Variants in GNAL observed in about 807,000 individuals in gnomAD.
The protein encoded by GNAL is guanine nucleotide-binding protein G(olf) subunit alpha.
Under a neutral mutation model 55.1 loss-of-function variants are expected in GNAL, and 18 were observed. That is an observed-to-expected ratio of 0.33 (90% CI 0.23 to 0.48). The LOEUF (loss-of-function observed/expected upper bound fraction) is 0.48. Among genes scored for constraint, GNAL ranks in the 20% least tolerant of loss-of-function variants. GNAL has a pLI of 0.99. For synonymous variants in GNAL, 253 were observed against 237.0 expected (o/e 1.07, Z -0.62); for missense variants, 412 against 614.1 (o/e 0.67, Z 3.48).
chr18:11,777,613 G>A (rs2033819245), intron 4 of GNAL, among the ~76,000 whole-genome samples: 1 of 152,210 alleles, frequency 6.6e-6, no homozygotes, highest in Admixed American at 6.5e-5. Flanking sequence ...CCTTTTGCCT[G>A]TAATGTAATT....
intron 1 of GNAL, among the ~76,000 whole-genome samples, chr18:11,710,513 T>A (rs1255232156): frequency 1.3e-5 from 2 of 152,226 alleles, no homozygotes; most frequent in Non-Finnish European, 1.5e-5. Context: ...TTCATATGCT[T>A]TCTTGTTGCT....
chr18:11,803,874 A>T (rs897769452), intron 4 of GNAL, among the ~76,000 whole-genome samples: 8 of 151,356 alleles, frequency 5.3e-5, no homozygotes, highest in Non-Finnish European at 7.4e-5. Context: ...TTTGAGTGGA[A>T]CATGGAGATT....
chr18:11,859,384 G>A (rs565941671), intron 5 of GNAL, among the ~76,000 whole-genome samples: 1 of 152,168 alleles, frequency 6.6e-6, no homozygotes, highest in African/African-American at 2.4e-5. Flanking sequence ...CTTTGTTGCT[G>A]GATGGTCAGG....
intron 1 of GNAL, among the ~76,000 whole-genome samples, chr18:11,705,957 G>C (rs2031700962): frequency 6.6e-6 from 1 of 152,062 alleles, no homozygotes; most frequent in Non-Finnish European, 1.5e-5. Context: ...GTTTCACTAT[G>C]TTGGCCAGGC....
chr18:11,738,185 G>T (rs1258177964), intron 1 of GNAL, among the ~76,000 whole-genome samples: 1 of 152,102 alleles, frequency 6.6e-6, no homozygotes, highest in Admixed American at 6.6e-5. Context: ...TGGCTGCCGG[G>T]CTCCCAACAT....
intron 1 of GNAL, among the ~76,000 whole-genome samples, chr18:11,729,869 A>C (rs2032296136): frequency 6.6e-6 from 1 of 152,166 alleles, no homozygotes; most frequent in South Asian, 2.1e-4. Flanking sequence ...CATTAGGGAG[A>C]CTGGAGTTGC....
intron 6 of GNAL, 54 bp downstream of exon 6, chr18:11,862,503 C>A: frequency 1.6e-6 from 2 of 1,289,324 alleles, no homozygotes; most frequent in Non-Finnish European, 2.3e-6. Flanking sequence ...GATTCATTTC[C>A]AATATGATTT....
Position 11,753,849 on chromosome 18 carries a change from T to C in GNAL, c.528T>C (p.Thr176=). ...AGACAATTGTTTCAGCAATGAGTAC[T>C]ATAATACCTCCAGTTCCGCTGGCCA... ...AIVTIVSAMS[T]IIPPVPLANP... Residue 176 remains threonine, a synonymous_variant, in exon 4 of 12, where the codon ACT becomes ACC. Coordinates refer to ENST00000334049, the MANE Select transcript of GNAL (RefSeq NM_182978.4). 1 of 1,609,206 alleles carries C rather than the reference T, an allele frequency of 6.2e-7. No individual in the cohort carries two copies.
intron 4 of GNAL, among the ~76,000 whole-genome samples, chr18:11,772,691 G>C (rs1368555567): frequency 6.6e-6 from 1 of 152,218 alleles, no homozygotes; most frequent in Non-Finnish European, 1.5e-5. Context: ...GCCAGGACTA[G>C]AACCGAGTCT....
intron 1 of GNAL, among the ~76,000 whole-genome samples, chr18:11,707,183 G>C (rs910083189): frequency 6.6e-6 from 1 of 152,138 alleles, no homozygotes; most frequent in African/African-American, 2.4e-5. Flanking sequence ...AATCCAGAAG[G>C]CTTCTAATTT....
Position 11,844,245 on chromosome 18 carries a change from C to G in GNAL, c.723-18150C>G, listed in dbSNP as rs138724792. On this transcript the variant is annotated intron_variant, in intron 5 of 11. Coordinates refer to ENST00000334049, the MANE Select transcript of GNAL (RefSeq NM_182978.4). ...GGTCAGGAGTTTGAGGCCAGCCTGG[C>G]CAACACAGTGAAACCCTGTCTCTAC... Among the ~76,000 whole-genome samples, 569 of 152,222 alleles carry G rather than the reference C, an allele frequency of 3.7e-3. 5 individuals carry two copies. Among genetic ancestry groups the G allele is most frequent in the African/African-American group, 0.013 (545 of 41,546 alleles).
At chr18:11,723,063 A>G (rs546520134) in intron 1 of GNAL, among the ~76,000 whole-genome samples, 1 of 151,896 alleles carries the variant, frequency 6.6e-6, no homozygotes, top group South Asian at 2.1e-4. Flanking sequence ...ACATGCCTGT[A>G]ATCCCAGCTA....
intron 11 of GNAL, among the ~76,000 whole-genome samples, chr18:11,878,720 C>A (rs551666744): frequency 6.6e-6 from 1 of 152,048 alleles, no homozygotes; most frequent in Non-Finnish European, 1.5e-5. Flanking sequence ...CAGGCACACA[C>A]CACCGCACCC....
At position 11,868,496 on chromosome 18, in the gene GNAL, C is replaced by CA; in HGVS notation, c.911-46dup. 6.4e-7 allele frequency: 1 copy of CA among 1,552,746 alleles called. No homozygotes were observed. Among genetic ancestry groups the CA allele is most frequent in the Non-Finnish European group, 8.8e-7 (1 of 1,140,004 alleles). On this transcript the variant is annotated intron_variant, in intron 8 of 11. Coordinates refer to ENST00000334049, the MANE Select transcript of GNAL (RefSeq NM_182978.4). This position sits in a 1 kb window ranked among gnomAD's most constrained non-coding sequence, Gnocchi z 4.0. ...GGGTGTGTACTTTCTTGTAACTCCA[C>CA]AGTGAGGATGTCTAACTGAGGTGCT...
At chr18:11,867,053 C>A in intron 7 of GNAL, 115 bp from the exon 8 acceptor site, 2 of 799,748 alleles carry the variant, frequency 2.5e-6, no homozygotes, top group South Asian at 1.4e-5. Flanking sequence ...CCGAGCTTGA[C>A]TCAAGACCCA....
rs998558343 is a variant in GNAL at position 11,885,587 on chromosome 18, T to G, written c.*4452T>G. 5.1e-5 allele frequency: 75 copies of G among 1,478,820 alleles called. No individual in the cohort carries two copies. The highest frequency in any genetic ancestry group is 6.7e-5 in the Non-Finnish European group (73 of 1,084,150). 91.6% of individuals were successfully genotyped at this position (1,478,820 alleles called of 1,614,324 possible). A position where few individuals can be genotyped will look rare whatever the true frequency, so the allele number is the denominator to read the frequency against. ...AATTTGTGTGTGGCTTTTGTAAATT[T>G]TGACCGATTGCAGCAATTAAATAGT... is the stretch of plus-strand genomic sequence containing the variant. On this transcript the variant is annotated 3_prime_UTR_variant, in exon 12 of 12. Transcript: ENST00000334049.
intron 4 of GNAL, among the ~76,000 whole-genome samples, chr18:11,819,868 GACA>G (rs2035048144): frequency 1.3e-5 from 1 of 77,150 alleles, no homozygotes; most frequent in African/African-American, 3.0e-5. Flanking sequence ...GAATTAAAAT[GACA>G]ACAGACAACA....
intron 5 of GNAL, among the ~76,000 whole-genome samples, chr18:11,836,948 T>C (rs1191987477): frequency 6.6e-6 from 1 of 152,196 alleles, no homozygotes; most frequent in Non-Finnish European, 1.5e-5. Context: ...AGTTTTCCAA[T>C]GAAAGCCAGG....
At chr18:11,766,825 C>T (rs1457634817) in intron 4 of GNAL, among the ~76,000 whole-genome samples, 1 of 152,176 alleles carries the variant, frequency 6.6e-6, no homozygotes, top group East Asian at 1.9e-4. Context: ...CAGACTTCCT[C>T]ACTGAGGGAG....
Sources: gnomAD v4.1 joint callset for allele counts (sites outside exome capture counted in the v4.1 genomes callset) on GRCh38, gnomAD v4.1.1 for gene constraint, Gnocchi (gnomAD v3.1) non-coding constraint, MANE v1.5 for transcripts, NCBI Gene and HGNC (gene_info 2026-07-23, HGNC 2026-07-21) for gene names.